DGKD: variants seen among roughly 807,000 people sequenced by gnomAD.
DGKD encodes the protein diacylglycerol kinase delta, also known as DAG kinase delta.
In DGKD, 68 loss-of-function variants were observed where a neutral mutation model predicts 154.4. That is an observed-to-expected ratio of 0.44 (90% CI 0.36 to 0.54). The LOEUF (loss-of-function observed/expected upper bound fraction) is 0.54. Among genes scored for constraint, DGKD ranks in the 20% least tolerant of loss-of-function variants. The pLI, the probability that DGKD is intolerant of heterozygous loss-of-function variation, is 0.00. For missense variants in DGKD, 1,343 were observed against 1,593.6 expected, an observed-to-expected ratio of 0.84 and a Z score of 2.68; for synonymous variants, 693 against 638.0, an observed-to-expected ratio of 1.09 and a Z score of -1.30.
In DGKD at chr2:233,458,089, C is replaced by T. The variant is rs751468936; in HGVS notation, c.2581-195C>T. ...GGAGAGAGAGATTCAGTAACTTTGC[C>T]GAGATGAGAGCTGGGATTTGGTCCC... On this transcript the variant is annotated intron_variant, in intron 21 of 29. Coordinates refer to ENST00000264057, the MANE Select transcript of DGKD (RefSeq NM_152879.3). This position sits in a 1 kb window ranked among gnomAD's most constrained non-coding sequence, Gnocchi z 6.6. The T allele has an allele frequency of 2.9e-5, 15 of 520,854 alleles. No homozygotes were observed. The South Asian group carries it at 3.5e-4, about 12-fold the overall frequency. 32.3% of individuals were successfully genotyped at this position (520,854 alleles called of 1,614,324 possible).
intron 1 of DGKD, among the ~76,000 whole-genome samples, chr2:233,380,284 C>T (rs943130976): frequency 2.0e-5 from 3 of 152,148 alleles, no homozygotes; most frequent in Non-Finnish European, 4.4e-5. Flanking sequence ...GGCCTGGCCC[C>T]TGGGGACGCC....
rs2062865990 is a variant in DGKD, at chr2:233,440,941, G to A, written c.1086-946G>A. Reference sequence around the variant, plus strand: ...GCCAGGAGGGGCTGGGTCGGCTGCAGGCTGAGAGGAGGTGGGTCTGGCCTC... The same window carrying A: ...GCCAGGAGGGGCTGGGTCGGCTGCAAGCTGAGAGGAGGTGGGTCTGGCCTC... On this transcript the variant is annotated intron_variant, in intron 9 of 29. Transcript: ENST00000264057. This position sits in a 1 kb window ranked among gnomAD's most constrained non-coding sequence, Gnocchi z 4.9. Among the ~76,000 whole-genome samples the A allele has an allele frequency of 6.6e-6, 1 of 152,180 alleles. No homozygotes were observed. Among genetic ancestry groups the A allele is most frequent in the South Asian group, 2.1e-4 (1 of 4,832 alleles).
intron 14 of DGKD, among the ~76,000 whole-genome samples, chr2:233,448,615 GAC>G (rs1354373779): frequency 1.1e-4 from 17 of 152,256 alleles, no homozygotes; most frequent in Admixed American, 1.1e-3. Flanking sequence ...CAAGGGTCCA[GAC>G]ACAGAATCTT....
At chr2:233,460,368 T>TG in intron 24 of DGKD, 23 bp downstream of exon 24, 3 of 1,612,590 alleles carry the variant, frequency 1.9e-6, no homozygotes, top group Non-Finnish European at 2.5e-6. Flanking sequence ...CCCTCTGCGT[T>TG]GCGCATGAGC....
chr2:233,454,189 A>T (rs1264870689), intron 18 of DGKD, among the ~76,000 whole-genome samples: 1 of 152,244 alleles, frequency 6.6e-6, no homozygotes, highest in Non-Finnish European at 1.5e-5. Context: ...CTGTATGCAA[A>T]TGTTCCTAAA....
intron 3 of DGKD, among the ~76,000 whole-genome samples, chr2:233,400,217 A>G (rs1332164595): frequency 6.6e-6 from 1 of 152,226 alleles, no homozygotes; most frequent in African/African-American, 2.4e-5. Context: ...TCAATTTAGC[A>G]AAGATTTTCT....
intron 1 of DGKD, among the ~76,000 whole-genome samples, chr2:233,376,632 T>C (rs1327323852): frequency 6.6e-6 from 1 of 152,180 alleles, no homozygotes; most frequent in Non-Finnish European, 1.5e-5. Context: ...TAGGGTCCTT[T>C]GTAGGGACAT....
At position 233,460,335 on chromosome 2, in the gene DGKD, C is replaced by G. The variant is rs757940654; in HGVS notation, c.2971C>G (p.Leu991Val). 8.1e-6 allele frequency: 13 copies of G among 1,613,980 alleles called. No homozygotes were observed. The highest frequency in any genetic ancestry group is 1.1e-5 in the Non-Finnish European group (13 of 1,179,988). ...MDQFGQAAGVLIHSIREIAQS... is the reference protein window; with the variant it reads ...MDQFGQAAGVVIHSIREIAQS... ...CCAGTTTGGGCAGGCAGCAGGGGTC[C>G]TCATTCACAGGTGGGCTCCTACCCC... The change falls in exon 24 of 30, where the codon CTC (leucine) becomes GTC (valine). Residue 991 changes from leucine to valine, a missense_variant. Around this residue, in one of 6 missense-constraint regions of DGKD, gnomAD observed 429 missense variants for 496.3 expected, o/e 0.86. Coordinates refer to ENST00000264057, the MANE Select transcript of DGKD (RefSeq NM_152879.3).
chr2:233,468,298 G>A (rs1041275437), intron 28 of DGKD, 125 bp from the exon 29 acceptor site: 12 of 1,194,358 alleles, frequency 1.0e-5, no homozygotes, highest in African/African-American at 4.7e-5. Flanking sequence ...GGGCTGTCTC[G>A]GGTGCTGGCT....
At chr2:233,463,738 CCTT>C (rs2063741734) in intron 26 of DGKD, 1 of 235,438 alleles carries the variant, frequency 4.2e-6, no homozygotes, top group East Asian at 1.0e-4. Flanking sequence ...CTACGCATCT[CCTT>C]ATCCCATGCC....
chr2:233,420,890 G>C (rs1396697599), intron 3 of DGKD, among the ~76,000 whole-genome samples: 3 of 152,106 alleles, frequency 2.0e-5, no homozygotes, highest in Non-Finnish European at 2.9e-5. Context: ...GTGCTGCTGT[G>C]AATATGCTTA....
intron 3 of DGKD, among the ~76,000 whole-genome samples, chr2:233,407,262 G>A (rs1281551701): frequency 3.9e-5 from 6 of 152,196 alleles, no homozygotes; most frequent in Non-Finnish European, 5.9e-5. Context: ...TTTCAAACGA[G>A]GCCAACTTTA....
In DGKD at chr2:233,435,799, T is replaced by C. The variant is rs768541168; in HGVS notation, c.587-19T>C. ...GGCACAGACACAGCTTGTAGGCTCA[T>C]GTGCCCCTTCTCTCACAGTGTGCAA... On this transcript the variant is annotated intron_variant, in intron 5 of 29. Coordinates refer to ENST00000264057, the MANE Select transcript of DGKD (RefSeq NM_152879.3). 3 of 1,608,008 alleles carry C rather than the reference T, an allele frequency of 1.9e-6. No individual in the cohort carries two copies. In the African/African-American group the frequency reaches 4.0e-5, roughly 22 times the overall value.
At chr2:233,357,580 C>A (rs928252102) in intron 1 of DGKD, among the ~76,000 whole-genome samples, 1 of 150,310 alleles carries the variant, frequency 6.7e-6, no homozygotes, top group Non-Finnish European at 1.5e-5. Flanking sequence ...CTTTGTCACC[C>A]AGGCTGGAGT....
Position 233,458,358 on chromosome 2 carries a change from C to T in DGKD, c.2655C>T (p.Val885=). The change falls in exon 22 of 30, where the codon GTC becomes GTT. Residue 885 remains valine (V), a synonymous_variant. Coordinates refer to ENST00000264057, the MANE Select transcript of DGKD (RefSeq NM_152879.3). The surrounding 1 kb of genome is among the most constrained non-coding windows in gnomAD (Gnocchi z 6.6). ...VAVFGSMQMA[V]SRVIRLQHHR... The stretch of plus-strand genomic sequence containing the variant: ...TGTTCGGCAGCATGCAGATGGCCGT[C>T]TCTCGAGTCATCAGGCTACAGCATC... The T allele has an allele frequency of 1.2e-6, 2 of 1,611,804 alleles. No homozygotes were observed. The highest frequency in any genetic ancestry group is 1.7e-5 in the Admixed American group (1 of 60,032).
At chr2:233,404,622 A>G (rs759031910) in intron 3 of DGKD, among the ~76,000 whole-genome samples, 3 of 152,166 alleles carry the variant, frequency 2.0e-5, no homozygotes, top group Non-Finnish European at 2.9e-5. Context: ...TAGATAGATC[A>G]TCATTTGAAC....
In DGKD at chr2:233,469,543, T is replaced by C. The variant is rs2063942846; in HGVS notation, c.*83T>C. 4.1e-6 allele frequency: 5 copies of C among 1,219,496 alleles called. No homozygotes were observed. Among genetic ancestry groups the C allele is most frequent in the Non-Finnish European group, 3.5e-6 (3 of 855,280 alleles). 75.5% of individuals were successfully genotyped at this position (1,219,496 alleles called of 1,614,324 possible). Reference sequence around the variant, plus strand: ...CCTCTCAGCCTGTGGCCTCTGCGCCTCCTGCCACTGAGGCCCTGGGCAGAT... The same window carrying C: ...CCTCTCAGCCTGTGGCCTCTGCGCCCCCTGCCACTGAGGCCCTGGGCAGAT... On this transcript the variant is annotated 3_prime_UTR_variant, in exon 30 of 30. Transcript: ENST00000264057.
At chr2:233,462,188 C>T (rs923878468) in intron 24 of DGKD, among the ~76,000 whole-genome samples, 160 bp from the exon 25 acceptor site, 1 of 152,242 alleles carries the variant, frequency 6.6e-6, no homozygotes, top group East Asian at 1.9e-4. Context: ...AAGCTTGTGA[C>T]TGAACGGTCG....
chr2:233,361,381 C>T (rs1449890296), intron 1 of DGKD, among the ~76,000 whole-genome samples: 3 of 152,214 alleles, frequency 2.0e-5, no homozygotes, highest in African/African-American at 4.8e-5. Context: ...ATATCTCCCT[C>T]TAATCCTCCC....
Sources: gnomAD v4.1 joint callset for allele counts (sites outside exome capture counted in the v4.1 genomes callset) on GRCh38, gnomAD v4.1.1 for gene constraint, gnomAD v4.1.1 regional missense constraint, Gnocchi (gnomAD v3.1) non-coding constraint, MANE v1.5 for transcripts, NCBI Gene and HGNC (gene_info 2026-07-23, HGNC 2026-07-21) for gene names.